FSTL4: variants seen among roughly 807,000 people sequenced by gnomAD.
FSTL4 encodes the protein follistatin like 4.
In FSTL4, 28 loss-of-function variants were observed where a neutral mutation model predicts 78.2. The observed-to-expected ratio is 0.36, with a 90% CI of 0.27 to 0.49. The LOEUF (loss-of-function observed/expected upper bound fraction) is 0.49. Ranked by LOEUF, FSTL4 falls within the 20% of genes least tolerant of loss-of-function variation. FSTL4 has a pLI of 0.98. For missense variants in FSTL4, 922 were observed against 1,084.9 expected, an observed-to-expected ratio of 0.85 and a Z score of 2.11; for synonymous variants, 422 against 440.5, an observed-to-expected ratio of 0.96 and a Z score of 0.53.
chr5:133,744,686 T>C, the FSTL4 span, among the ~76,000 whole-genome samples: 1 of 152,174 alleles, frequency 6.6e-6, no homozygotes, highest in African/African-American at 2.4e-5. Flanking sequence ...CCTCCATCTG[T>C]ATCCCCCTTT....
At chr5:133,601,939 C>A (rs1760878698) in intron 2 of FSTL4, among the ~76,000 whole-genome samples, 1 of 151,886 alleles carries the variant, frequency 6.6e-6, no homozygotes. Context: ...CCACCTCGGC[C>A]TCTCAAACTG....
intron 6 of FSTL4, among the ~76,000 whole-genome samples, chr5:133,282,943 CA>C (rs1753043409): frequency 6.6e-6 from 1 of 152,148 alleles, no homozygotes; most frequent in Non-Finnish European, 1.5e-5. Context: ...TGTCTCTTTC[CA>C]AAGAGATAGC....
chr5:133,291,591 G>A (rs1336966751), intron 6 of FSTL4, among the ~76,000 whole-genome samples: 7 of 152,184 alleles, frequency 4.6e-5, no homozygotes, highest in Non-Finnish European at 8.8e-5. Flanking sequence ...CAAATAAGAT[G>A]GAGAACAGGT....
chr5:133,247,023 G>C (rs1409442850), intron 7 of FSTL4: 1 of 152,170 alleles, frequency 6.6e-6, no homozygotes, highest in African/African-American at 2.4e-5. Flanking sequence ...GCAGACCCCA[G>C]GCTCATGCCC....
intron 4 of FSTL4, among the ~76,000 whole-genome samples, chr5:133,348,531 G>A (rs1161548405): frequency 2.0e-5 from 3 of 152,264 alleles, no homozygotes; most frequent in Non-Finnish European, 2.9e-5. Context: ...GATGCCATGG[G>A]AAAGGGGCTG....
the FSTL4 span, among the ~76,000 whole-genome samples, chr5:133,671,263 A>G: frequency 6.6e-6 from 1 of 152,046 alleles, no homozygotes; most frequent in Admixed American, 6.5e-5. Flanking sequence ...AGCCCTGCCT[A>G]AATTGTCAAA....
the FSTL4 span, among the ~76,000 whole-genome samples, chr5:133,738,870 A>C: frequency 6.6e-6 from 1 of 152,164 alleles, no homozygotes; most frequent in Admixed American, 6.5e-5. Flanking sequence ...CACCAGAGCC[A>C]AGGCTGGGGC....
chr5:133,510,234 A>G (rs1301921690), intron 3 of FSTL4, among the ~76,000 whole-genome samples: 1 of 152,178 alleles, frequency 6.6e-6, no homozygotes, highest in East Asian at 1.9e-4. Context: ...CTTACCCTCA[A>G]TGCTGTGAAA....
chr5:133,237,323 C>T (rs772871659), intron 7 of FSTL4, among the ~76,000 whole-genome samples: 6 of 152,156 alleles, frequency 3.9e-5, no homozygotes, highest in Admixed American at 2.6e-4. Flanking sequence ...GCATGGATTC[C>T]CACCCGCTAC....
the FSTL4 span, among the ~76,000 whole-genome samples, chr5:133,717,199 C>T: frequency 6.6e-6 from 1 of 152,316 alleles, no homozygotes; most frequent in African/African-American, 2.4e-5. Context: ...AAAATTCCAA[C>T]AGTTGAGTGG....
Position 133,226,617 on chromosome 5 carries a change from T to C in FSTL4, c.1016-798A>G, listed in dbSNP as rs113680285. Among the ~76,000 whole-genome samples, 986 of 152,352 alleles carry C rather than the reference T, an allele frequency of 6.5e-3. 16 individuals are homozygous for C. Among genetic ancestry groups the C allele is most frequent in the African/African-American group, 0.022 (917 of 41,572 alleles). On this transcript the variant is annotated intron_variant, in intron 8 of 15. Transcript: ENST00000265342. Reference sequence around the variant, plus strand: ...GGAATTGAGGGTTCTTCCTTATCTATAACTTTTACTTTACACACTTTCAAA... The same window carrying C: ...GGAATTGAGGGTTCTTCCTTATCTACAACTTTTACTTTACACACTTTCAAA...
the FSTL4 span, among the ~76,000 whole-genome samples, chr5:133,764,884 G>T: frequency 6.6e-6 from 1 of 151,988 alleles, no homozygotes; most frequent in African/African-American, 2.4e-5. Flanking sequence ...ATGCATTCTG[G>T]AATGTGAACT....
the FSTL4 span, among the ~76,000 whole-genome samples, chr5:133,635,092 G>C: frequency 6.6e-6 from 1 of 151,456 alleles, no homozygotes; most frequent in Non-Finnish European, 1.5e-5. Flanking sequence ...AAAAAACATA[G>C]ACACTATAAT....
At chr5:133,447,932 CT>C (rs557593632) in intron 3 of FSTL4, among the ~76,000 whole-genome samples, 38 of 149,622 alleles carry the variant, frequency 2.5e-4, no homozygotes, top group Admixed American at 1.9e-3. Context: ...CAGAACTCTC[CT>C]TTTTTTTTTC....
intron 4 of FSTL4, among the ~76,000 whole-genome samples, chr5:133,372,245 C>CTATGTATG (rs1554108980): frequency 0.016 from 2,240 of 140,134 alleles, 63 homozygotes; most frequent in African/African-American, 0.056. Context: ...ATCTATGTAT[C>CTATGTATG]TATGTATGTA....
the FSTL4 span, among the ~76,000 whole-genome samples, chr5:133,668,355 T>C: frequency 6.6e-6 from 1 of 152,130 alleles, no homozygotes; most frequent in African/African-American, 2.4e-5. Flanking sequence ...TCTCACACAC[T>C]CTTGGCTGGT....
intron 4 of FSTL4, among the ~76,000 whole-genome samples, chr5:133,329,067 C>T (rs944452387): frequency 6.6e-6 from 1 of 152,134 alleles, no homozygotes; most frequent in Admixed American, 6.5e-5. Flanking sequence ...GCTTCCTCCG[C>T]GAGTGATCAA....
chr5:133,352,969 T>C (rs565115582), intron 4 of FSTL4, among the ~76,000 whole-genome samples: 1 of 152,348 alleles, frequency 6.6e-6, no homozygotes, highest in South Asian at 2.1e-4. Context: ...AAGCCCATAA[T>C]TTACAGTCCA....
the FSTL4 span, among the ~76,000 whole-genome samples, chr5:133,660,178 G>A: frequency 2.0e-5 from 3 of 152,172 alleles, no homozygotes; most frequent in Admixed American, 2.0e-4. Context: ...TATTTACTAA[G>A]CAGTCACTGT....
Sources: gnomAD v4.1 joint callset for allele counts (sites outside exome capture counted in the v4.1 genomes callset) on GRCh38, gnomAD v4.1.1 for gene constraint, MANE v1.5 for transcripts, NCBI Gene and HGNC (gene_info 2026-07-23, HGNC 2026-07-21) for gene names.